CFAP77: variants seen among roughly 807,000 people sequenced by gnomAD.
CFAP77 encodes cilia and flagella associated protein 77.
A neutral mutation model predicts 31.1 loss-of-function variants in CFAP77; 25 were observed. The ratio of observed to expected loss-of-function variants is 0.80; its 90% CI spans 0.59 to 1.12. The LOEUF is 1.12. Among genes scored for constraint, CFAP77 ranks in the 50% most tolerant of loss-of-function variants. CFAP77 has a pLI of 0.00. For missense variants in CFAP77, 377 were observed against 397.3 expected (o/e 0.95, Z 0.44); for synonymous variants, 151 against 159.9 (o/e 0.94, Z 0.42).
At chr9:132,562,103 G>A (rs752468605) in intron 5 of CFAP77, among the ~76,000 whole-genome samples, 4 of 152,206 alleles carry the variant, frequency 2.6e-5, no homozygotes, top group Non-Finnish European at 4.4e-5. Context: ...TGGCGGCTAC[G>A]GTTCCTGTGG....
chr9:132,538,707 G>A (rs1852587990), intron 4 of CFAP77, among the ~76,000 whole-genome samples: 1 of 152,114 alleles, frequency 6.6e-6, no homozygotes, highest in South Asian at 2.1e-4. Flanking sequence ...GAACCTGGGA[G>A]GCGGAGGTTG....
chr9:132,558,751 G>A (rs1052023775), intron 5 of CFAP77, among the ~76,000 whole-genome samples: 8 of 151,796 alleles, frequency 5.3e-5, no homozygotes, highest in Admixed American at 2.0e-4. Context: ...GGTGGCTCAC[G>A]TCTGTAATCC....
intron 1 of CFAP77, among the ~76,000 whole-genome samples, chr9:132,475,590 C>G (rs569953314): frequency 6.6e-6 from 1 of 152,158 alleles, no homozygotes; most frequent in Non-Finnish European, 1.5e-5. Flanking sequence ...AGAAGTGTCT[C>G]GGTTAGGAGC....
rs1407644452 is a variant in CFAP77 at position 132,480,203 on chromosome 9, G to A, written c.196-18492G>A. On this transcript the variant is annotated intron_variant, in intron 1 of 5. Coordinates refer to ENST00000393216, the MANE Select transcript of CFAP77 (RefSeq NM_001282957.2). This position sits in a 1 kb window ranked among gnomAD's most constrained non-coding sequence, Gnocchi z 5.8. ...AGCCACCAGACTCCCTCTTGCTCCT[G>A]GTCCCTGCCCACCTGCTAGTCATGA... is the stretch of plus-strand genomic sequence containing the variant. 6.6e-6 allele frequency among the ~76,000 whole-genome samples: 1 copy of A among 152,148 alleles called. No homozygotes were observed. Among genetic ancestry groups the A allele is most frequent in the East Asian group, 1.9e-4 (1 of 5,188 alleles).
chr9:132,506,545 G>A (rs886992869), intron 3 of CFAP77, among the ~76,000 whole-genome samples: 1 of 151,704 alleles, frequency 6.6e-6, no homozygotes, highest in Non-Finnish European at 1.5e-5. Flanking sequence ...GGGAGCCTGG[G>A]CCACAGTCAA....
intron 1 of CFAP77, among the ~76,000 whole-genome samples, chr9:132,444,441 A>AG (rs1329524492): frequency 6.6e-6 from 1 of 152,236 alleles, no homozygotes; most frequent in Non-Finnish European, 1.5e-5. Flanking sequence ...AGGGGAATGA[A>AG]GCAGGAGCAC....
At position 132,546,369 on chromosome 9, in the gene CFAP77, T is replaced by G. The variant is rs1435610816; in HGVS notation, c.732+3322T>G. Among the ~76,000 whole-genome samples the G allele has an allele frequency of 2.0e-5, 3 of 152,114 alleles. No individual in the cohort carries two copies. In the East Asian group the frequency reaches 5.8e-4, roughly 29 times the overall value. ...TGTCTGCGCCTGGCTTTGCCGCTGA[T>G]CTGCTGCCCCCACCCCGGCCCCATT... is the stretch of plus-strand genomic sequence containing the variant. On this transcript the variant is annotated intron_variant, in intron 5 of 5. Transcript: ENST00000393216.
chr9:132,490,038 T>C lies in CFAP77; in HGVS notation c.196-8657T>C, dbSNP rs866286072. Among the ~76,000 whole-genome samples, 3 of 152,212 alleles carry C rather than the reference T, an allele frequency of 2.0e-5. No individual in the cohort carries two copies. The highest frequency in any genetic ancestry group is 6.8e-3 in the Middle Eastern group (2 of 294). On this transcript the variant is annotated intron_variant, in intron 1 of 5. Coordinates refer to ENST00000393216, the MANE Select transcript of CFAP77 (RefSeq NM_001282957.2). This position sits in a 1 kb window ranked among gnomAD's most constrained non-coding sequence, Gnocchi z 4.6. The stretch of plus-strand genomic sequence containing the variant: ...ATGCGCCGGTGGTTTCTGTGTCTGG[T>C]GAGAGCCTAGTCTTTGCTTCCAAGA...
At chr9:132,425,430 A>G (rs1564199667) in intron 1 of CFAP77, among the ~76,000 whole-genome samples, 1 of 150,038 alleles carries the variant, frequency 6.7e-6, no homozygotes, top group Admixed American at 6.7e-5. Flanking sequence ...CCTTATCCCC[A>G]TGCTGAAAAT....
At chr9:132,512,026 C>T (rs979905923) in intron 3 of CFAP77, among the ~76,000 whole-genome samples, 4 of 151,872 alleles carry the variant, frequency 2.6e-5, no homozygotes, top group African/African-American at 9.7e-5. Flanking sequence ...TGCACTCCAG[C>T]CTGGGCAACA....
intron 1 of CFAP77, among the ~76,000 whole-genome samples, chr9:132,464,515 C>A (rs888950057): frequency 6.6e-6 from 1 of 151,984 alleles, no homozygotes; most frequent in Non-Finnish European, 1.5e-5. Flanking sequence ...ACATTCAATA[C>A]GTAAAAAAGA....
At chr9:132,433,479 T>G (rs541556047) in intron 1 of CFAP77, among the ~76,000 whole-genome samples, 46 of 151,774 alleles carry the variant, frequency 3.0e-4, no homozygotes. Context: ...CAGACTGCCC[T>G]CCACCCTGAC....
chr9:132,482,917 C>A (rs1363558218), intron 1 of CFAP77, among the ~76,000 whole-genome samples: 1 of 147,036 alleles, frequency 6.8e-6, no homozygotes, highest in Non-Finnish European at 1.5e-5. Flanking sequence ...CTAACCTGCA[C>A]ATTGTGCACA....
intron 1 of CFAP77, among the ~76,000 whole-genome samples, chr9:132,467,997 T>A (rs116423758): frequency 6.6e-6 from 1 of 152,184 alleles, no homozygotes; most frequent in African/African-American, 2.4e-5. Context: ...GTGGATCTGA[T>A]GAGCTCACTC....
At chr9:132,569,427 A>T (rs1013807963) in intron 5 of CFAP77, among the ~76,000 whole-genome samples, 8 of 151,820 alleles carry the variant, frequency 5.3e-5, no homozygotes, top group African/African-American at 1.9e-4. Flanking sequence ...GGTAGGGGGG[A>T]AAAGGAAAAT....
chr9:132,417,168 G>A (rs1362794662), intron 1 of CFAP77, among the ~76,000 whole-genome samples: 2 of 148,466 alleles, frequency 1.3e-5, no homozygotes, highest in Non-Finnish European at 3.0e-5. Flanking sequence ...AGGCTGGAGT[G>A]CAGTGGCACA....
chr9:132,509,747 C>T lies in CFAP77; in HGVS notation c.524+10147C>T, dbSNP rs142230826. 5.8e-3 allele frequency among the ~76,000 whole-genome samples: 882 copies of T among 152,160 alleles called. 8 individuals are homozygous for T. The highest frequency in any genetic ancestry group is 0.028 in the South Asian group (133 of 4,822). The stretch of plus-strand genomic sequence containing the variant: ...TTGCACCACTACACCCCAGCCTGGG[C>T]GACAGAGCAAAACTTTGTCTCAAAC... On this transcript the variant is annotated intron_variant, in intron 3 of 5. Transcript: ENST00000393216.
intron 5 of CFAP77, among the ~76,000 whole-genome samples, chr9:132,550,767 A>C (rs1852809723): frequency 1.3e-5 from 2 of 151,860 alleles, no homozygotes; most frequent in African/African-American, 4.8e-5. Context: ...GTCAGCCTCC[A>C]TCCCCTGGCC....
At chr9:132,468,388 A>G (rs990782548) in intron 1 of CFAP77, among the ~76,000 whole-genome samples, 21 of 152,128 alleles carry the variant, frequency 1.4e-4, no homozygotes, top group African/African-American at 2.4e-5. Flanking sequence ...AACAGGCCAC[A>G]GTCCTCCCTT....
Sources: allele counts gnomAD v4.1 joint callset (sites outside exome capture counted in the v4.1 genomes callset), GRCh38; gene constraint gnomAD v4.1.1; non-coding constraint Gnocchi (gnomAD v3.1); transcripts MANE v1.5; gene names NCBI Gene and HGNC (gene_info 2026-07-23, HGNC 2026-07-21).